Variants in NCKAP5 observed in about 807,000 individuals in gnomAD.
NCKAP5 encodes NCK associated protein 5, also known as nck-associated protein 5.
A neutral mutation model predicts 167.0 loss-of-function variants in NCKAP5; 92 were observed. That is an observed-to-expected ratio of 0.55 (90% CI 0.47 to 0.66). NCKAP5 has a LOEUF of 0.66. Ranked by LOEUF, NCKAP5 falls within the 30% of genes least tolerant of loss-of-function variation. The pLI is 0.00. For missense variants in NCKAP5, 2,378 were observed against 2,315.0 expected (o/e 1.03, Z -0.56); for synonymous variants, 891 against 877.4 (o/e 1.02, Z -0.27).
At chr2:133,329,879 T>C (rs1007309685) in intron 3 of NCKAP5, among the ~76,000 whole-genome samples, 1 of 152,064 alleles carries the variant, frequency 6.6e-6, no homozygotes, top group Admixed American at 6.6e-5. Flanking sequence ...ATAGGGATTC[T>C]GAGAGATTCT....
chr2:133,589,741 T>G, the NCKAP5 span, among the ~76,000 whole-genome samples: 1 of 152,220 alleles, frequency 6.6e-6, no homozygotes, highest in Non-Finnish European at 1.5e-5. Context: ...TCTGGACCAC[T>G]GCATCAGGAA....
At chr2:133,383,138 C>A (rs758946775) in intron 3 of NCKAP5, among the ~76,000 whole-genome samples, 1 of 152,002 alleles carries the variant, frequency 6.6e-6, no homozygotes, top group Non-Finnish European at 1.5e-5. Context: ...CATATGTATA[C>A]ATATGCCATA....
chr2:132,796,628 G>A lies in NCKAP5; in HGVS notation c.909C>T (p.His303=), dbSNP rs952998033. The A allele has an allele frequency of 6.8e-6, 11 of 1,606,574 alleles. No homozygotes were observed. The highest frequency in any genetic ancestry group is 2.2e-5 in the East Asian group (1 of 44,770). The change falls in exon 12 of 20, where the codon CAC becomes CAT. Residue 303 remains histidine (H), a splice_region_variant and synonymous_variant. Transcript: ENST00000409261. ...TTCTGAAGGCAACTGGGAAACTCAC[G>A]TGCACCTCAGCATCAGTTCGTGACT... ...LTQSRTDAEV[H]EHQLNTKSAL...
chr2:132,965,955 T>C (rs1342564683), intron 7 of NCKAP5, among the ~76,000 whole-genome samples: 1 of 151,598 alleles, frequency 6.6e-6, no homozygotes, highest in Non-Finnish European at 1.5e-5. Context: ...TCTGTAGAAG[T>C]ATCCTGTAAT....
intron 5 of NCKAP5, among the ~76,000 whole-genome samples, chr2:133,179,079 G>A (rs553781323): frequency 6.6e-6 from 1 of 151,862 alleles, no homozygotes; most frequent in Admixed American, 6.6e-5. Flanking sequence ...GAGGTGGGAG[G>A]ATGCCACTGC....
chr2:133,671,738 C>CACAACAACA, the NCKAP5 span, among the ~76,000 whole-genome samples: 2 of 151,474 alleles, frequency 1.3e-5, no homozygotes, highest in East Asian at 1.9e-4. Flanking sequence ...TTCTGGTATA[C>CACAACAACA]ACAACAACAA....
At chr2:133,608,949 G>C in the NCKAP5 span, among the ~76,000 whole-genome samples, 1 of 152,116 alleles carries the variant, frequency 6.6e-6, no homozygotes, top group Admixed American at 6.5e-5. Flanking sequence ...TTGAACATTT[G>C]AACATTTCAT....
Position 132,960,606 on chromosome 2 carries a change from G to A in NCKAP5, c.579+3114C>T, listed in dbSNP as rs1405380203. On this transcript the variant is annotated intron_variant, in intron 8 of 19. Coordinates refer to ENST00000409261, the MANE Select transcript of NCKAP5 (RefSeq NM_207363.3). ...GGAGAAGAAAGAGGAATTGATTGAC[G>A]AATGTGAGTCGGAACTTACCCCAGA... 3.9e-5 allele frequency among the ~76,000 whole-genome samples: 6 copies of A among 152,152 alleles called. No individual in the cohort carries two copies. The South Asian group carries it at 8.3e-4, about 21-fold the overall frequency.
chr2:133,418,054 G>A (rs907570429), intron 3 of NCKAP5, among the ~76,000 whole-genome samples: 4 of 152,142 alleles, frequency 2.6e-5, no homozygotes, highest in Non-Finnish European at 5.9e-5. Flanking sequence ...GGAGTCAATA[G>A]GAAAAAATGT....
At chr2:133,657,928 C>T in the NCKAP5 span, among the ~76,000 whole-genome samples, 1 of 152,084 alleles carries the variant, frequency 6.6e-6, no homozygotes, top group Non-Finnish European at 1.5e-5. Context: ...AGGGAAAGAA[C>T]CCAAAACTCC....
intron 6 of NCKAP5, among the ~76,000 whole-genome samples, chr2:133,004,671 G>A (rs989073827): frequency 6.6e-6 from 1 of 152,174 alleles, no homozygotes; most frequent in African/African-American, 2.4e-5. Flanking sequence ...GTCCCACTGG[G>A]CACGTATTGT....
intron 16 of NCKAP5, among the ~76,000 whole-genome samples, chr2:132,741,124 C>T (rs1457634588): frequency 6.6e-6 from 1 of 151,890 alleles, no homozygotes; most frequent in African/African-American, 2.4e-5. Context: ...GCTGTTATAG[C>T]CTCTGAAAAA....
intron 2 of NCKAP5, chr2:133,558,019 CT>C (rs1687867152): frequency 1.3e-5 from 2 of 152,258 alleles, no homozygotes; most frequent in African/African-American, 4.8e-5. Context: ...TCCCCCTTCA[CT>C]TTGCAGATGG....
intron 19 of NCKAP5, 127 bp from the exon 20 acceptor site, chr2:132,673,432 A>G: frequency 1.4e-6 from 1 of 702,830 alleles, no homozygotes; most frequent in South Asian, 4.2e-5. Context: ...CAAGTCTTTA[A>G]TAATCTTCTA....
intron 3 of NCKAP5, among the ~76,000 whole-genome samples, chr2:133,500,143 A>G (rs577113824): frequency 6.6e-6 from 1 of 152,308 alleles, no homozygotes; most frequent in African/African-American, 2.4e-5. Flanking sequence ...TTGGATTTGC[A>G]AAGCAATGCC....
At chr2:132,888,554 T>G (rs1186730030) in intron 8 of NCKAP5, among the ~76,000 whole-genome samples, 1 of 151,960 alleles carries the variant, frequency 6.6e-6, no homozygotes, top group African/African-American at 2.4e-5. Context: ...CATGCCCAGC[T>G]CATTTTTGTA....
intron 3 of NCKAP5, among the ~76,000 whole-genome samples, chr2:133,313,164 C>T (rs562669489): frequency 2.0e-5 from 3 of 152,096 alleles, no homozygotes; most frequent in Non-Finnish European, 4.4e-5. Flanking sequence ...CAGAATGACC[C>T]CCTCCACCGC....
In NCKAP5 at chr2:133,334,345, C is replaced by T. The variant is rs559286736; in HGVS notation, c.70-31235G>A. ...TTGAAAGCTGAATTGGAAGTGCTCA[C>T]GGTGGTGGTAAAGTATCTGTCATGG... On this transcript the variant is annotated intron_variant, in intron 3 of 19. Transcript: ENST00000409261. Among the ~76,000 whole-genome samples the T allele has an allele frequency of 2.6e-5, 4 of 152,074 alleles. No homozygotes were observed. The East Asian group carries it at 5.8e-4, about 22-fold the overall frequency.
rs117230347 is a variant in NCKAP5 at position 133,134,606 on chromosome 2, T to C, written c.208-4495A>G. Among the ~76,000 whole-genome samples, 117 of 152,374 alleles carry C rather than the reference T, an allele frequency of 7.7e-4. No individual in the cohort carries two copies. The East Asian group carries it at 0.021, about 28-fold the overall frequency. On this transcript the variant is annotated intron_variant, in intron 5 of 19. Coordinates refer to ENST00000409261, the MANE Select transcript of NCKAP5 (RefSeq NM_207363.3). ...TGGACATGAGCAAAGAGTTAAGTTC[T>C]AGACAAAGAATCAAACATACAAAGA...
Sources: gnomAD v4.1 joint callset for allele counts (sites outside exome capture counted in the v4.1 genomes callset) on GRCh38, gnomAD v4.1.1 for gene constraint, MANE v1.5 for transcripts, NCBI Gene and HGNC (gene_info 2026-07-23, HGNC 2026-07-21) for gene names.